The following KLHL1 variants were observed in gnomAD, a reference collection of about 807,000 sequenced individuals.
The protein encoded by KLHL1 is kelch-like protein 1.
A neutral mutation model predicts 77.7 loss-of-function variants in KLHL1; 47 were observed. The observed-to-expected ratio is 0.60, with a 90% CI of 0.48 to 0.77. The LOEUF (loss-of-function observed/expected upper bound fraction) is 0.77, where lower values mean the gene tolerates loss of function less well. Ranked by LOEUF, KLHL1 falls within the 30% of genes least tolerant of loss-of-function variation. The probability of loss-of-function intolerance (pLI) is 0.00; values close to 1 mark genes in which losing one functional copy is unlikely to be tolerated. For missense variants in KLHL1, 925 were observed against 910.8 expected (o/e 1.02, Z -0.20); for synonymous variants, 360 against 325.2 (o/e 1.11, Z -1.15).
chr13:69,780,745 C>CAT lies in KLHL1; in HGVS notation c.1639+15991_1639+15992dup, dbSNP rs72123116. ...ATATATATATATACATATATATATA[C>CAT]ATATATATATATACACACACATTTA... On this transcript the variant is annotated intron_variant, in intron 7 of 10. Coordinates refer to ENST00000377844, the MANE Select transcript of KLHL1 (RefSeq NM_020866.3). Among the ~76,000 whole-genome samples, 66 of 33,838 alleles carry CAT rather than the reference C, an allele frequency of 2.0e-3. 1 individual carries two copies. Among genetic ancestry groups the CAT allele is most frequent in the East Asian group, 0.013 (21 of 1,584 alleles). 22.2% of individuals were successfully genotyped at this position (33,838 alleles called of 152,430 possible). A position where few individuals can be genotyped will look rare whatever the true frequency, so the allele number is the denominator to read the frequency against.
At chr13:69,756,586 A>C (rs1372068360) in intron 7 of KLHL1, among the ~76,000 whole-genome samples, 1 of 152,176 alleles carries the variant, frequency 6.6e-6, no homozygotes, top group Non-Finnish European at 1.5e-5. Flanking sequence ...GTAGAAAAGA[A>C]ATGTGAAAAA....
intron 4 of KLHL1, among the ~76,000 whole-genome samples, chr13:69,895,903 T>C (rs1881620270): frequency 6.6e-6 from 1 of 152,072 alleles, no homozygotes; most frequent in African/African-American, 2.4e-5. Context: ...AGACAGGGTT[T>C]TGCCAGGTTA....
intron 4 of KLHL1, among the ~76,000 whole-genome samples, chr13:69,900,188 T>A (rs992282088): frequency 1.3e-5 from 2 of 152,138 alleles, no homozygotes; most frequent in African/African-American, 4.8e-5. Context: ...CTATAAAATT[T>A]CGGATTCATT....
In KLHL1 at chr13:70,107,818, C is replaced by G. The variant is rs1888112504; in HGVS notation, c.-119G>C. On this transcript the variant is annotated 5_prime_UTR_variant, in exon 1 of 11. Coordinates refer to ENST00000377844, the MANE Select transcript of KLHL1 (RefSeq NM_020866.3). The stretch of plus-strand genomic sequence containing the variant: ...GAGGCGGGATGCGCCCTCTGCACCC[C>G]TAGAGCCAGAAGACGCTAGGTGGGC... 2.7e-6 allele frequency: 2 copies of G among 754,182 alleles called. No homozygotes were observed. The highest frequency in any genetic ancestry group is 4.1e-6 in the Non-Finnish European group (2 of 486,920). 46.7% of individuals were successfully genotyped at this position (754,182 alleles called of 1,614,324 possible). A position where few individuals can be genotyped will look rare whatever the true frequency, so the allele number is the denominator to read the frequency against.
At position 70,101,510 on chromosome 13, in the gene KLHL1, C is replaced by A. The variant is rs186078799; in HGVS notation, c.497+5693G>T. On this transcript the variant is annotated intron_variant, in intron 1 of 10. Transcript: ENST00000377844. Reference sequence around the variant, plus strand: ...GTGGCGCGATCTCGGCTTACTGTAACATCCGCCTCCAGGGTTCAAGCAATT... The same window carrying A: ...GTGGCGCGATCTCGGCTTACTGTAAAATCCGCCTCCAGGGTTCAAGCAATT... Among the ~76,000 whole-genome samples, 526 of 152,208 alleles carry A rather than the reference C, an allele frequency of 3.5e-3. 3 individuals are homozygous for A. The highest frequency in any genetic ancestry group is 0.017 in the Middle Eastern group (5 of 294).
intron 3 of KLHL1, among the ~76,000 whole-genome samples, chr13:69,959,285 TG>T (rs2137267083): frequency 6.6e-6 from 1 of 152,152 alleles, no homozygotes; most frequent in South Asian, 2.1e-4. Flanking sequence ...CCATGGAGCC[TG>T]GAAGTGTTAG....
chr13:69,968,363 A>G lies in KLHL1; in HGVS notation c.681-6919T>C, dbSNP rs181746204. ...TGCTAAGAAACAAATATAAACAAAT[A>G]TATATATAAATATACATATATAATA... On this transcript the variant is annotated intron_variant, in intron 2 of 10. Transcript: ENST00000377844. 2.2e-3 allele frequency among the ~76,000 whole-genome samples: 327 copies of G among 149,648 alleles called. 5 individuals carry two copies. Among genetic ancestry groups the G allele is most frequent in the African/African-American group, 6.8e-3 (281 of 41,094 alleles).
At chr13:70,079,803 T>A (rs1887351831) in intron 1 of KLHL1, among the ~76,000 whole-genome samples, 1 of 152,204 alleles carries the variant, frequency 6.6e-6, no homozygotes, top group South Asian at 2.1e-4. Context: ...TGGATATATA[T>A]CTCTAGGTGT....
In KLHL1 at chr13:69,853,045, G is replaced by A. The variant is rs77218935; in HGVS notation, c.1228-13883C>T. ...ATTTTCTAGTACTTACAGTTAAGCC[G>A]CAGTATATTAGGCTGTGCTGAGAAA... On this transcript the variant is annotated intron_variant, in intron 5 of 10. Coordinates refer to ENST00000377844, the MANE Select transcript of KLHL1 (RefSeq NM_020866.3). Among the ~76,000 whole-genome samples the A allele has an allele frequency of 1.6e-4, 24 of 152,018 alleles. No homozygotes were observed. The East Asian group carries it at 2.5e-3, about 16-fold the overall frequency.
At position 69,720,386 on chromosome 13, in the gene KLHL1, C is replaced by A. The variant is rs139716573; in HGVS notation, c.1803-805G>T. On this transcript the variant is annotated intron_variant, in intron 8 of 10. Transcript: ENST00000377844. ...GCATTTATTTACTTATCCATTTGCTCACTACATATTTTTGAATGGTTAGGG... is the reference window on the plus strand; with the variant it reads ...GCATTTATTTACTTATCCATTTGCTAACTACATATTTTTGAATGGTTAGGG... Among the ~76,000 whole-genome samples the A allele has an allele frequency of 2.0e-3, 305 of 152,178 alleles. 1 individual carries two copies. The highest frequency in any genetic ancestry group is 7.0e-3 in the African/African-American group (290 of 41,552).
At chr13:69,862,259 T>A (rs1332868686) in intron 5 of KLHL1, among the ~76,000 whole-genome samples, 1 of 150,834 alleles carries the variant, frequency 6.6e-6, no homozygotes, top group Non-Finnish European at 1.5e-5. Flanking sequence ...AATAAATGTA[T>A]GTAATTATAC....
intron 6 of KLHL1, 37 bp from the exon 7 acceptor site, chr13:69,796,999 A>G (rs1877136681): frequency 6.5e-7 from 1 of 1,546,274 alleles, no homozygotes; most frequent in African/African-American, 1.4e-5. Context: ...ACCAATTGCT[A>G]TAAATTCAAC....
chr13:70,058,438 A>G (rs994751741), intron 1 of KLHL1, among the ~76,000 whole-genome samples: 3 of 152,210 alleles, frequency 2.0e-5, no homozygotes, highest in Non-Finnish European at 4.4e-5. Flanking sequence ...CCAAGAGTGA[A>G]CAATCTGAAA....
chr13:70,074,170 C>T (rs1356631542), intron 1 of KLHL1, among the ~76,000 whole-genome samples: 7 of 152,036 alleles, frequency 4.6e-5, no homozygotes, highest in African/African-American at 1.7e-4. Context: ...TGATATTCAG[C>T]ATGATTTGAA....
intron 1 of KLHL1, among the ~76,000 whole-genome samples, chr13:70,033,552 C>CTGG (rs1361419819): frequency 1.3e-5 from 2 of 150,228 alleles, no homozygotes; most frequent in Non-Finnish European, 3.0e-5. Context: ...GTGATCCACC[C>CTGG]GCCTTGGCCT....
intron 5 of KLHL1, among the ~76,000 whole-genome samples, chr13:69,842,828 A>C (rs1879319445): frequency 6.6e-6 from 1 of 151,898 alleles, no homozygotes. Flanking sequence ...AATGTGGTAT[A>C]TATACACAAT....
intron 6 of KLHL1, among the ~76,000 whole-genome samples, chr13:69,814,112 C>G (rs1179082767): frequency 6.6e-6 from 1 of 152,090 alleles, no homozygotes; most frequent in Non-Finnish European, 1.5e-5. Flanking sequence ...GCCAGCTGAT[C>G]TTTGACAATG....
intron 1 of KLHL1, among the ~76,000 whole-genome samples, chr13:69,990,435 G>A (rs1312992260): frequency 1.3e-5 from 2 of 151,984 alleles, no homozygotes; most frequent in African/African-American, 4.8e-5. Context: ...CATCTCATCT[G>A]CAATGACATG....
At chr13:70,026,892 G>A (rs6562601) in intron 1 of KLHL1, among the ~76,000 whole-genome samples, 88,692 of 151,640 alleles carry the variant, frequency 0.58, 28,126 homozygotes, top group East Asian at 0.81. Flanking sequence ...GTTGTTAGAA[G>A]ATTATGCAGT....
Sources: gnomAD v4.1 joint callset for allele counts (sites outside exome capture counted in the v4.1 genomes callset) on GRCh38, gnomAD v4.1.1 for gene constraint, MANE v1.5 for transcripts, NCBI Gene and HGNC (gene_info 2026-07-23, HGNC 2026-07-21) for gene names.